The following LRMDA variants were observed in gnomAD, a reference collection of about 807,000 sequenced individuals.
The protein encoded by LRMDA is leucine-rich melanocyte differentiation-associated protein.
LRMDA carries 18 observed loss-of-function variants against 29.8 expected under a neutral mutation model. The observed-to-expected ratio is 0.60, with a 90% CI of 0.42 to 0.90. The LOEUF (loss-of-function observed/expected upper bound fraction) is 0.90. Ranked by LOEUF, LRMDA falls within the 40% of genes least tolerant of loss-of-function variation. The pLI is 0.00. For synonymous variants in LRMDA, 125 were observed against 109.4 expected, an observed-to-expected ratio of 1.14 and a Z score of -0.89; for missense variants, 273 against 273.9, an observed-to-expected ratio of 1.00 and a Z score of 0.02.
At chr10:75,532,710 A>G (rs998199392) in intron 2 of LRMDA, among the ~76,000 whole-genome samples, 4 of 152,108 alleles carry the variant, frequency 2.6e-5, no homozygotes, top group Non-Finnish European at 2.9e-5. Flanking sequence ...CATTCTCAGT[A>G]GGATGCAGAC....
chr10:76,230,097 G>C (rs1376875156), intron 5 of LRMDA, among the ~76,000 whole-genome samples: 1 of 151,910 alleles, frequency 6.6e-6, no homozygotes, highest in African/African-American at 2.4e-5. Flanking sequence ...GGTCTCTCCT[G>C]CCCTGCTGAT....
At chr10:76,089,717 C>T (rs1178168974) in intron 5 of LRMDA, among the ~76,000 whole-genome samples, 4 of 152,106 alleles carry the variant, frequency 2.6e-5, no homozygotes, top group East Asian at 1.9e-4. Flanking sequence ...TCCATATGCA[C>T]GGAACAACCA....
At chr10:76,419,565 A>G (rs961785444) in intron 6 of LRMDA, among the ~76,000 whole-genome samples, 8 of 152,034 alleles carry the variant, frequency 5.3e-5, no homozygotes, top group Admixed American at 1.3e-4. Context: ...TAAGTTTTCA[A>G]TTCATTGGGT....
At chr10:75,640,444 C>T (rs1841438487) in intron 2 of LRMDA, among the ~76,000 whole-genome samples, 1 of 152,190 alleles carries the variant, frequency 6.6e-6, no homozygotes, top group African/African-American at 2.4e-5. Context: ...GCAGGATGTT[C>T]ACAAAGTCTG....
intron 2 of LRMDA, among the ~76,000 whole-genome samples, chr10:75,555,803 G>A (rs1840205938): frequency 6.6e-6 from 1 of 152,174 alleles, no homozygotes; most frequent in Admixed American, 6.5e-5. Flanking sequence ...GAAAGTAGCT[G>A]TTATAAGTGT....
At chr10:75,802,577 G>A (rs2132262601) in intron 2 of LRMDA, among the ~76,000 whole-genome samples, 1 of 152,038 alleles carries the variant, frequency 6.6e-6, no homozygotes, top group Non-Finnish European at 1.5e-5. Context: ...CAGTATCTTT[G>A]GTAGAGTTGC....
At chr10:76,069,510 T>C (rs928283115) in intron 5 of LRMDA, among the ~76,000 whole-genome samples, 2 of 152,240 alleles carry the variant, frequency 1.3e-5, no homozygotes, top group Admixed American at 1.3e-4. Flanking sequence ...TTTTAAAATA[T>C]GGCAGTAAAT....
At chr10:76,084,088 C>T (rs1015631586) in intron 5 of LRMDA, among the ~76,000 whole-genome samples, 8 of 152,186 alleles carry the variant, frequency 5.3e-5, no homozygotes, top group Non-Finnish European at 8.8e-5. Flanking sequence ...AAAGGCACAA[C>T]AATTTGTTGG....
intron 5 of LRMDA, among the ~76,000 whole-genome samples, chr10:76,172,578 G>A (rs1408484405): frequency 6.6e-6 from 1 of 152,190 alleles, no homozygotes; most frequent in Admixed American, 6.5e-5. Context: ...ACTGATCAGA[G>A]CATGATGTGA....
At chr10:76,393,918 T>C (rs1841752925) in intron 6 of LRMDA, among the ~76,000 whole-genome samples, 1 of 152,220 alleles carries the variant, frequency 6.6e-6, no homozygotes, top group Non-Finnish European at 1.5e-5. Flanking sequence ...GAGGAGACCG[T>C]CCTTTCTGCA....
intron 6 of LRMDA, among the ~76,000 whole-genome samples, chr10:76,494,750 T>A (rs1158302314): frequency 6.6e-6 from 1 of 151,922 alleles, no homozygotes; most frequent in Non-Finnish European, 1.5e-5. Context: ...ATGGTAAAAA[T>A]TTTGCTCTGA....
chr10:76,406,370 T>C (rs1841901768), intron 6 of LRMDA, among the ~76,000 whole-genome samples: 1 of 152,218 alleles, frequency 6.6e-6, no homozygotes, highest in African/African-American at 2.4e-5. Flanking sequence ...GGGCTTCTGA[T>C]GAACTATCGT....
chr10:76,413,072 C>G (rs1392051834), intron 6 of LRMDA, among the ~76,000 whole-genome samples: 1 of 152,090 alleles, frequency 6.6e-6, no homozygotes, highest in Non-Finnish European at 1.5e-5. Context: ...GCTTTTATGC[C>G]ACTCTCTCGA....
chr10:76,397,262 G>A (rs1841795903), intron 6 of LRMDA, among the ~76,000 whole-genome samples: 2 of 152,026 alleles, frequency 1.3e-5, no homozygotes, highest in South Asian at 2.1e-4. Context: ...TTGTCACAAG[G>A]TCCCAGGCGG....
At chr10:75,752,649 A>G (rs1468815378) in intron 2 of LRMDA, among the ~76,000 whole-genome samples, 1 of 152,208 alleles carries the variant, frequency 6.6e-6, no homozygotes, top group Admixed American at 6.5e-5. Flanking sequence ...CCTAAATGAG[A>G]CCCAGAGATG....
rs563414665 is a variant in LRMDA at position 75,512,190 on chromosome 10, G to A, written c.131+73696G>A. Among the ~76,000 whole-genome samples, 4 of 152,266 alleles carry A rather than the reference G, an allele frequency of 2.6e-5. No individual in the cohort carries two copies. The South Asian group carries it at 8.3e-4, about 32-fold the overall frequency. On this transcript the variant is annotated intron_variant, in intron 2 of 6. Transcript: ENST00000611255. ...AGGTTGAACGGGTCCTCAGAGCTAT[G>A]ACTTCCACTTTCCATCAGTCTGACT...
intron 2 of LRMDA, among the ~76,000 whole-genome samples, chr10:75,827,253 G>A (rs1168343721): frequency 6.6e-6 from 1 of 152,234 alleles, no homozygotes; most frequent in Non-Finnish European, 1.5e-5. Context: ...CTGCAGCATA[G>A]GTGAGTCAGT....
intron 5 of LRMDA, among the ~76,000 whole-genome samples, chr10:76,084,455 T>A (rs1400945390): frequency 1.5e-5 from 2 of 132,508 alleles, no homozygotes; most frequent in Non-Finnish European, 3.1e-5. Flanking sequence ...CCTCAAGTAA[T>A]CTGCCCACCT....
chr10:76,386,952 TA>T (rs1443181499), intron 6 of LRMDA, among the ~76,000 whole-genome samples: 1 of 152,066 alleles, frequency 6.6e-6, no homozygotes, highest in Non-Finnish European at 1.5e-5. Context: ...AGCTCAAACT[TA>T]CTTAAAAACT....
Sources: gnomAD v4.1 joint callset for allele counts (sites outside exome capture counted in the v4.1 genomes callset) on GRCh38, gnomAD v4.1.1 for gene constraint, MANE v1.5 for transcripts, NCBI Gene and HGNC (gene_info 2026-07-23, HGNC 2026-07-21) for gene names.